Variants in ADCY8 observed in about 807,000 individuals in gnomAD.
ADCY8 encodes the protein adenylate cyclase type 8.
ADCY8 carries 51 observed loss-of-function variants against 119.7 expected under a neutral mutation model. That is an observed-to-expected ratio of 0.43 (90% CI 0.34 to 0.54). The LOEUF (loss-of-function observed/expected upper bound fraction) is 0.54. Ranked by LOEUF, ADCY8 falls within the 20% of genes least tolerant of loss-of-function variation. The probability of loss-of-function intolerance (pLI) is 0.03; values close to 1 mark genes in which losing one functional copy is unlikely to be tolerated. For synonymous variants in ADCY8, 665 were observed against 651.0 expected (o/e 1.02, Z -0.33); for missense variants, 1,383 against 1,598.8 (o/e 0.87, Z 2.30).
intron 2 of ADCY8, among the ~76,000 whole-genome samples, chr8:130,957,234 G>A (rs1329856566): frequency 6.6e-6 from 1 of 152,216 alleles, no homozygotes; most frequent in Non-Finnish European, 1.5e-5. Context: ...TGGAGATCAG[G>A]AACTTGTTGG....
At chr8:130,842,636 G>A (rs2130284505) in intron 11 of ADCY8, among the ~76,000 whole-genome samples, 1 of 152,114 alleles carries the variant, frequency 6.6e-6, no homozygotes, top group African/African-American at 2.4e-5. Flanking sequence ...ACTTTGGGAG[G>A]CCCAGGCAGG....
At chr8:130,933,052 T>G (rs978645092) in intron 5 of ADCY8, among the ~76,000 whole-genome samples, 2 of 152,176 alleles carry the variant, frequency 1.3e-5, no homozygotes, top group African/African-American at 4.8e-5. Context: ...TTCTGCACTC[T>G]GGGGATTGAT....
At chr8:130,943,770 G>C (rs1291798373) in intron 3 of ADCY8, among the ~76,000 whole-genome samples, 1 of 152,166 alleles carries the variant, frequency 6.6e-6, no homozygotes, top group African/African-American at 2.4e-5. Context: ...TCAATTTCTT[G>C]TGAAAAGCAA....
At chr8:130,799,214 C>G (rs1168919556) in intron 15 of ADCY8, among the ~76,000 whole-genome samples, 1 of 152,086 alleles carries the variant, frequency 6.6e-6, no homozygotes, top group Non-Finnish European at 1.5e-5. Context: ...AGATCTATTG[C>G]ACAGCATAGT....
chr8:130,800,588 C>G lies in ADCY8; in HGVS notation c.2914-16G>C. Reference sequence around the variant, plus strand: ...AATACAGCTCCTGGACAGAGACACACAGAGGGCACCAGAAATGGTCATCAG... The same window carrying G: ...AATACAGCTCCTGGACAGAGACACAGAGAGGGCACCAGAAATGGTCATCAG... On this transcript the variant is annotated splice_polypyrimidine_tract_variant and intron_variant, in intron 14 of 17. Coordinates refer to ENST00000286355, the MANE Select transcript of ADCY8 (RefSeq NM_001115.3). 1 of 1,613,188 alleles carries G rather than the reference C, an allele frequency of 6.2e-7. No individual in the cohort carries two copies. Among genetic ancestry groups the G allele is most frequent in the Non-Finnish European group, 8.5e-7 (1 of 1,179,238 alleles).
At position 130,970,472 on chromosome 8, in the gene ADCY8, G is replaced by A. The variant is rs780509160; in HGVS notation, c.1111-18474C>T. Among the ~76,000 whole-genome samples, 9 of 152,074 alleles carry A rather than the reference G, an allele frequency of 5.9e-5. No homozygotes were observed. In the East Asian group the frequency reaches 1.3e-3, roughly 23 times the overall value. On this transcript the variant is annotated intron_variant, in intron 2 of 17. Coordinates refer to ENST00000286355, the MANE Select transcript of ADCY8 (RefSeq NM_001115.3). ...TCTAGTTGCAGGGAAACAAGCCCAGGGCTCCCACTGATTCTACATTATGGT... is the reference window on the plus strand; with the variant it reads ...TCTAGTTGCAGGGAAACAAGCCCAGAGCTCCCACTGATTCTACATTATGGT...
At position 131,040,284 on chromosome 8, in the gene ADCY8, G is replaced by C. The variant is rs756252913; in HGVS notation, c.50C>G (p.Thr17Ser). The change falls in exon 1 of 18, where the codon ACC becomes AGC. Residue 17 changes from threonine (T) to serine (S), a missense_variant. Transcript: ENST00000286355. ...RCLTGSEELYTIHPTPPAGDG... is the reference protein window; with the variant it reads ...RCLTGSEELYSIHPTPPAGDG... ...GCCGGCCGGGGGCGTCGGGTGGATG[G>C]TGTAGAGTTCCTCGCTGCCTGTAAG... 9.7e-5 allele frequency: 152 copies of C among 1,562,054 alleles called. No homozygotes were observed. Among genetic ancestry groups the C allele is most frequent in the Non-Finnish European group, 1.3e-4 (148 of 1,159,988 alleles).
intron 15 of ADCY8, among the ~76,000 whole-genome samples, chr8:130,793,198 T>C (rs1815476761): frequency 6.6e-6 from 1 of 152,068 alleles, no homozygotes. Context: ...CCCAAGCTGT[T>C]TCTATGGATC....
intron 3 of ADCY8, 151 bp from the exon 4 acceptor site, chr8:130,943,613 T>C (rs1314584875): frequency 1.7e-6 from 1 of 605,974 alleles, no homozygotes; most frequent in Non-Finnish European, 3.0e-6. Flanking sequence ...AGGAGGAATG[T>C]CTCAGTATTT....
intron 1 of ADCY8, among the ~76,000 whole-genome samples, chr8:130,994,519 T>TTTTG (rs1450979064): frequency 2.6e-5 from 4 of 152,218 alleles, no homozygotes; most frequent in African/African-American, 9.6e-5. Context: ...TTGCCACATT[T>TTTTG]GTATAAGTTT....
intron 6 of ADCY8, among the ~76,000 whole-genome samples, chr8:130,906,973 T>G (rs369501126): frequency 0.011 from 1,720 of 152,068 alleles, 18 homozygotes; most frequent in Non-Finnish European, 0.017. Context: ...ATATTAGTGG[T>G]TAGTGGCAGT....
Position 131,039,558 on chromosome 8 carries a change from G to C in ADCY8, c.776C>G (p.Ala259Gly), listed in dbSNP as rs375219295. The change falls in exon 1 of 18, where the codon GCA (alanine) becomes GGA (glycine). Residue 259 changes from alanine to glycine, a missense_variant. Physicochemically the swap from Ala to Gly is moderately conservative, Grantham distance 60 (BLOSUM62 0). Coordinates refer to ENST00000286355, the MANE Select transcript of ADCY8 (RefSeq NM_001115.3). ...CAGGAGCCCGTAGCCGAGGCCTGCT[G>C]CCAGGATCTGGGTGGTCATGGCCAC... The part of the protein sequence containing the change: ...TWVAMTTQIL[A>G]AGLGYGLLGD... 6.2e-6 allele frequency: 10 copies of C among 1,613,632 alleles called. No individual in the cohort carries two copies. The African/African-American group carries it at 1.1e-4, about 17-fold the overall frequency.
intron 12 of ADCY8, among the ~76,000 whole-genome samples, chr8:130,824,849 T>A (rs73342458): frequency 2.0e-5 from 3 of 152,216 alleles, no homozygotes. Context: ...AAGGCCCTTC[T>A]GAGTGCAGAG....
At chr8:130,886,329 G>GA (rs923994353) in intron 7 of ADCY8, among the ~76,000 whole-genome samples, 8 of 152,116 alleles carry the variant, frequency 5.3e-5, no homozygotes, top group African/African-American at 1.4e-4. Context: ...CTACTATAGA[G>GA]AAAAAAATAG....
intron 7 of ADCY8, among the ~76,000 whole-genome samples, chr8:130,903,531 A>C (rs1338848716): frequency 2.2e-5 from 1 of 44,516 alleles, no homozygotes; most frequent in East Asian, 1.4e-3. Context: ...CTAGGTTACA[A>C]AAAAAAAAAA....
chr8:130,849,458 A>G, intron 10 of ADCY8, 144 bp downstream of exon 10: 1 of 798,546 alleles, frequency 1.3e-6, no homozygotes, highest in East Asian at 2.7e-5. Flanking sequence ...CATCTTTGTT[A>G]TCTGTCCCTA....
chr8:130,959,758 A>G (rs1018010381), intron 2 of ADCY8, among the ~76,000 whole-genome samples: 2 of 152,170 alleles, frequency 1.3e-5, no homozygotes, highest in Non-Finnish European at 2.9e-5. Flanking sequence ...AACAGAAGAG[A>G]GCAGTATGTG....
At chr8:130,840,527 C>G (rs1458037559) in intron 11 of ADCY8, among the ~76,000 whole-genome samples, 2 of 151,996 alleles carry the variant, frequency 1.3e-5, no homozygotes, top group Non-Finnish European at 2.9e-5. Context: ...TAAATGACAA[C>G]AAAGAGTTTT....
At chr8:130,798,106 T>C (rs1815644345) in intron 15 of ADCY8, among the ~76,000 whole-genome samples, 1 of 152,186 alleles carries the variant, frequency 6.6e-6, no homozygotes, top group African/African-American at 2.4e-5. Flanking sequence ...AAATGATATA[T>C]ATTGAAAATG....
Sources: gnomAD v4.1 joint callset for allele counts (sites outside exome capture counted in the v4.1 genomes callset) on GRCh38, gnomAD v4.1.1 for gene constraint, MANE v1.5 for transcripts, NCBI Gene and HGNC (gene_info 2026-07-23, HGNC 2026-07-21) for gene names.